ESR2: variants seen among roughly 807,000 people sequenced by gnomAD.
The protein encoded by ESR2 is estrogen receptor 2.
Under a neutral mutation model 49.6 loss-of-function variants are expected in ESR2, and 36 were observed. That is an observed-to-expected ratio of 0.73 (90% CI 0.56 to 0.96). The LOEUF is 0.96. Ranked by LOEUF, ESR2 falls within the 40% of genes least tolerant of loss-of-function variation. The probability of loss-of-function intolerance (pLI) is 0.00; values close to 1 mark genes in which losing one functional copy is unlikely to be tolerated. For missense variants in ESR2, 714 were observed against 693.0 expected, an observed-to-expected ratio of 1.03 and a Z score of -0.34; for synonymous variants, 320 against 266.1, an observed-to-expected ratio of 1.20 and a Z score of -1.97.
At chr14:64,255,551 T>C (rs893687307) in intron 6 of ESR2, among the ~76,000 whole-genome samples, 2 of 152,208 alleles carry the variant, frequency 1.3e-5, no homozygotes, top group Non-Finnish European at 2.9e-5. Context: ...GAGAGTTAGT[T>C]TGCCATTTGG....
chr14:64,325,269 C>G (rs2077374689), intron 1 of ESR2, among the ~76,000 whole-genome samples: 1 of 152,126 alleles, frequency 6.6e-6, no homozygotes, highest in South Asian at 2.1e-4. Context: ...TTTTATGCAG[C>G]TCTGGGATCT....
intron 7 of ESR2, among the ~76,000 whole-genome samples, chr14:64,246,596 A>G (rs988315350): frequency 1.3e-5 from 2 of 151,826 alleles, no homozygotes; most frequent in African/African-American, 2.4e-5. Flanking sequence ...GCATGGTGGC[A>G]TGCACCTGTA....
At chr14:64,287,870 A>G (rs1195750308) in intron 1 of ESR2, among the ~76,000 whole-genome samples, 2 of 152,210 alleles carry the variant, frequency 1.3e-5, no homozygotes, top group Non-Finnish European at 2.9e-5. Flanking sequence ...TGAATGTTCA[A>G]ACATGGCCTC....
At position 64,282,665 on chromosome 14, in the gene ESR2, C is replaced by G. The variant is rs2076698796; in HGVS notation, c.321G>C (p.Trp107Cys). 6.2e-7 allele frequency: 1 copy of G among 1,611,542 alleles called. No individual in the cohort carries two copies. The highest frequency in any genetic ancestry group is 1.3e-5 in the African/African-American group (1 of 74,898). Residue 107 changes from tryptophan to cysteine, a missense_variant, in exon 2 of 9, where the codon TGG becomes TGC. Trp to Cys is a radical substitution (Grantham distance 215, BLOSUM62 -2). Coordinates refer to ENST00000341099, the MANE Select transcript of ESR2 (RefSeq NM_001437.3). Reference sequence around the variant, plus strand: ...TGTGTTCTAGCGATCTTGCTTCACACCAGGGACTCTTTTGAGGTTCCGCAT... The same window carrying G: ...TGTGTTCTAGCGATCTTGCTTCACAGCAGGGACTCTTTTGAGGTTCCGCAT... ...HLYAEPQKSP[W>C]CEARSLEHTL...
intron 3 of ESR2, among the ~76,000 whole-genome samples, chr14:64,271,653 G>T (rs921149297): frequency 6.6e-6 from 1 of 152,234 alleles, no homozygotes; most frequent in Non-Finnish European, 1.5e-5. Flanking sequence ...AAATAAGTGA[G>T]AACATGGGAG....
At chr14:64,240,362 G>A (rs888820448) in intron 7 of ESR2, among the ~76,000 whole-genome samples, 3 of 152,182 alleles carry the variant, frequency 2.0e-5, no homozygotes, top group African/African-American at 7.2e-5. Context: ...AGAGAAGTTC[G>A]CAGCCTTTTG....
chr14:64,263,958 C>G (rs1426163799), intron 4 of ESR2, among the ~76,000 whole-genome samples: 1 of 152,052 alleles, frequency 6.6e-6, no homozygotes, highest in East Asian at 1.9e-4. Context: ...AAATGGAAAT[C>G]AACAACAAAA....
chr14:64,251,211 C>A (rs967884367), intron 6 of ESR2, among the ~76,000 whole-genome samples: 8 of 151,970 alleles, frequency 5.3e-5, no homozygotes, highest in African/African-American at 1.9e-4. Context: ...ACCTGAATCA[C>A]CTTGCCTGCG....
rs2076711804 is a variant in ESR2 at position 64,282,971 on chromosome 14, G to GT, written c.14dup (p.Asn5LysfsTer5). On this transcript the variant is annotated frameshift_variant, in exon 2 of 9. Transcript: ENST00000341099. LOFTEE classifies it high-confidence loss of function. ...AAGGAGAATTAAGGCTAGATGGTGA[G>GT]TTTTTTATATCCATGTCTTGAGATA... 1.2e-6 allele frequency: 2 copies of GT among 1,612,402 alleles called. No individual in the cohort carries two copies. The highest frequency in any genetic ancestry group is 1.1e-5 in the South Asian group (1 of 90,912).
intron 1 of ESR2, among the ~76,000 whole-genome samples, chr14:64,283,792 G>GAAA (rs76529465): frequency 1.5e-4 from 21 of 139,728 alleles, no homozygotes; most frequent in Admixed American, 3.7e-4. Context: ...TACCATTTCC[G>GAAA]AAAAAAGTTT....
upstream of ESR2, among the ~76,000 whole-genome samples, chr14:64,295,840 T>C (rs188581487): frequency 2.2e-4 from 33 of 152,214 alleles, no homozygotes; most frequent in East Asian, 6.2e-3. Context: ...GGTCAGGAGT[T>C]TGAGACCAGC....
intron 1 of ESR2, chr14:64,336,392 G>A (rs1322292792): frequency 6.6e-6 from 1 of 152,064 alleles, no homozygotes; most frequent in Non-Finnish European, 1.5e-5. Context: ...TCTATCATAA[G>A]ATTTTATGTA....
intron 1 of ESR2, among the ~76,000 whole-genome samples, chr14:64,307,461 C>G (rs1438270798): frequency 6.6e-6 from 1 of 152,052 alleles, no homozygotes; most frequent in Non-Finnish European, 1.5e-5. Context: ...GATCCGCCCA[C>G]CTCAGCCTTC....
chr14:64,283,191 G>T (rs780719146), intron 1 of ESR2, 116 bp from the exon 2 acceptor site: 3 of 435,792 alleles, frequency 6.9e-6, no homozygotes, highest in Admixed American at 3.9e-5. Context: ...AATACATCCT[G>T]AAAAATATAC....
upstream of ESR2, among the ~76,000 whole-genome samples, chr14:64,298,060 T>C (rs1311494868): frequency 2.6e-5 from 4 of 151,444 alleles, no homozygotes; most frequent in African/African-American, 9.8e-5. Context: ...GGATTACTAA[T>C]TAATATGTCA....
rs571573038 is a variant in ESR2, at chr14:64,257,635, T to G, written c.953-271A>C. On this transcript the variant is annotated intron_variant, in intron 5 of 8. Coordinates refer to ENST00000341099, the MANE Select transcript of ESR2 (RefSeq NM_001437.3). ...ACGACCTCGGCTCAGAACTGATCTTTGTTAGCTGTGTCCTGATAATTCCTC... is the reference window on the plus strand; with the variant it reads ...ACGACCTCGGCTCAGAACTGATCTTGGTTAGCTGTGTCCTGATAATTCCTC... Among the ~76,000 whole-genome samples the G allele has an allele frequency of 2.6e-5, 4 of 152,266 alleles. No homozygotes were observed. The South Asian group carries it at 8.3e-4, about 32-fold the overall frequency.
At chr14:64,233,648 G>T (rs1567726340) in intron 8 of ESR2, 2 of 274,158 alleles carry the variant, frequency 7.3e-6, no homozygotes, top group Admixed American at 4.6e-5. Context: ...GGAAATACAG[G>T]GTTAGGTTCC....
At position 64,230,275 on chromosome 14, in the gene ESR2, T is replaced by G. The variant is rs191475904; in HGVS notation, c.*2862A>C. Among the ~76,000 whole-genome samples, 76 of 151,970 alleles carry G rather than the reference T, an allele frequency of 5.0e-4. 1 individual carries two copies. The highest frequency in any genetic ancestry group is 8.4e-4 in the Non-Finnish European group (57 of 67,996). On this transcript the variant is annotated 3_prime_UTR_variant, in exon 9 of 9. Transcript: ENST00000341099. ...CAAAATAGGCCTATAAACAGAAGGT[T>G]CACTTTGAATTTGAAAAGTCCCTTA...
rs1465441261 is a variant in ESR2 at position 64,300,693 on chromosome 14, C to A, written c.-90-17618G>T. ...ATCACTTGAGCCTGGGAGGTTGAGG[C>A]TTCAGTGAGCTAAGATCACACCACT... is the stretch of plus-strand genomic sequence containing the variant. On this transcript the variant is annotated intron_variant, in intron 1 of 8. Transcript: ENST00000358599. 3.3e-5 allele frequency among the ~76,000 whole-genome samples: 5 copies of A among 152,192 alleles called. No individual in the cohort carries two copies. In the South Asian group the frequency reaches 6.2e-4, roughly 19 times the overall value.
Sources: gnomAD v4.1 joint callset for allele counts (sites outside exome capture counted in the v4.1 genomes callset) on GRCh38, gnomAD v4.1.1 for gene constraint, MANE v1.5 for transcripts, NCBI Gene and HGNC (gene_info 2026-07-23, HGNC 2026-07-21) for gene names.